The following AMOTL1 variants were observed in gnomAD, a reference collection of about 807,000 sequenced individuals.
AMOTL1 encodes angiomotin like 1, also known as angiomotin-like protein 1.
A neutral mutation model predicts 102.9 loss-of-function variants in AMOTL1; 45 were observed. The observed-to-expected ratio is 0.44, with a 90% CI of 0.34 to 0.56. The LOEUF (loss-of-function observed/expected upper bound fraction) is 0.56. Among genes scored for constraint, AMOTL1 ranks in the 20% least tolerant of loss-of-function variants. AMOTL1 has a pLI of 0.01. For synonymous variants in AMOTL1, 481 were observed against 484.7 expected (o/e 0.99, Z 0.10); for missense variants, 1,114 against 1,225.6 (o/e 0.91, Z 1.36).
Position 94,866,041 on chromosome 11 carries a change from C to A in AMOTL1, c.2361C>A (p.Ser787Arg), listed in dbSNP as rs1952875722. ...RKDAGKTDSSSLRPARSVPSI... is the reference protein window; with the variant it reads ...RKDAGKTDSSRLRPARSVPSI... Reference sequence around the variant, plus strand: ...ATGCCGGGAAGACAGACTCCTCCAGCCTACGTCCTGCCCGCTCCGTTCCAT... The same window carrying A: ...ATGCCGGGAAGACAGACTCCTCCAGACTACGTCCTGCCCGCTCCGTTCCAT... The change falls in exon 11 of 13, where the codon AGC (serine) becomes AGA (arginine). Residue 787 changes from serine to arginine, a missense_variant. Ser to Arg is a moderately radical substitution (Grantham distance 110). Transcript: ENST00000433060. 6.2e-7 allele frequency: 1 copy of A among 1,613,868 alleles called. No homozygotes were observed.
At chr11:94,737,716 C>T (rs905584513) in intron 2 of AMOTL1, among the ~76,000 whole-genome samples, 3 of 152,222 alleles carry the variant, frequency 2.0e-5, no homozygotes, top group Non-Finnish European at 4.4e-5. Context: ...GACAGCCCAT[C>T]TGAGCCCATC....
At chr11:94,789,866 G>A (rs905484737) in intron 1 of AMOTL1, among the ~76,000 whole-genome samples, 1 of 152,206 alleles carries the variant, frequency 6.6e-6, no homozygotes, top group African/African-American at 2.4e-5. Flanking sequence ...GGAGGTTATT[G>A]TAATCTAGAC....
intron 1 of AMOTL1, among the ~76,000 whole-genome samples, chr11:94,786,120 C>T (rs1009396019): frequency 1.3e-4 from 20 of 152,052 alleles, no homozygotes; most frequent in Non-Finnish European, 2.5e-4. Flanking sequence ...AAAAGAATCT[C>T]GAGTTCAGGT....
intron 6 of AMOTL1, among the ~76,000 whole-genome samples, chr11:94,835,193 G>T (rs1952152680): frequency 6.6e-6 from 1 of 152,134 alleles, no homozygotes; most frequent in Non-Finnish European, 1.5e-5. Flanking sequence ...AAATGTTTTT[G>T]TAGCTTATAG....
At chr11:94,859,111 T>A (rs990265642) in intron 8 of AMOTL1, among the ~76,000 whole-genome samples, 1 of 152,194 alleles carries the variant, frequency 6.6e-6, no homozygotes, top group Admixed American at 6.5e-5. Context: ...GGAATCACTT[T>A]GTGGAATTCT....
chr11:94,802,560 T>A (rs1314377024), intron 3 of AMOTL1, among the ~76,000 whole-genome samples: 2 of 152,228 alleles, frequency 1.3e-5, no homozygotes, highest in Non-Finnish European at 2.9e-5. Flanking sequence ...GAGGTCATTT[T>A]TCTCAAAGTT....
At chr11:94,758,115 G>A (rs2135498032) in intron 3 of AMOTL1, among the ~76,000 whole-genome samples, 1 of 152,300 alleles carries the variant, frequency 6.6e-6, no homozygotes, top group Non-Finnish European at 1.5e-5. Flanking sequence ...TCTTGGCTCT[G>A]TTAATTTCAT....
intron 2 of AMOTL1, among the ~76,000 whole-genome samples, chr11:94,737,406 G>A (rs1950452358): frequency 6.6e-6 from 1 of 152,202 alleles, no homozygotes; most frequent in Non-Finnish European, 1.5e-5. Context: ...AGCTGTAAAG[G>A]AGCATGGCAT....
chr11:94,847,312 C>T (rs768696565), intron 6 of AMOTL1, among the ~76,000 whole-genome samples: 4 of 152,122 alleles, frequency 2.6e-5, no homozygotes, highest in Admixed American at 6.5e-5. Context: ...TGGACAGCTG[C>T]ATAACAAAGG....
chr11:94,771,879 T>G (rs950472780), intron 1 of AMOTL1, among the ~76,000 whole-genome samples: 8 of 152,234 alleles, frequency 5.3e-5, no homozygotes, highest in African/African-American at 1.9e-4. Context: ...TGTATCCCTG[T>G]TAAGATACTG....
intron 3 of AMOTL1, among the ~76,000 whole-genome samples, chr11:94,756,577 A>T (rs891257654): frequency 3.3e-5 from 5 of 152,232 alleles, no homozygotes; most frequent in Non-Finnish European, 5.9e-5. Context: ...ATGACCCACA[A>T]TTGGGTGACC....
intron 1 of AMOTL1, among the ~76,000 whole-genome samples, chr11:94,725,868 A>G (rs1349883694): frequency 6.6e-6 from 1 of 152,172 alleles, no homozygotes; most frequent in African/African-American, 2.4e-5. Context: ...ACAATGAGTT[A>G]CTGGAGTATT....
chr11:94,769,486 C>G (rs961189387), intron 1 of AMOTL1, among the ~76,000 whole-genome samples: 1 of 152,210 alleles, frequency 6.6e-6, no homozygotes, highest in Non-Finnish European at 1.5e-5. Flanking sequence ...CCTCAGAGCC[C>G]CAGGCCGAGA....
chr11:94,859,628 A>C lies in AMOTL1; in HGVS notation c.2048A>C (p.Asp683Ala). ...GAGCGGATCCTGGCCCTGGAGGCCG[A>C]CATGACAAAGTGGGAGCAGAAGTAC... ...KEERILALEA[D>A]MTKWEQKYLE... The change falls in exon 9 of 13, where the codon GAC (aspartate) becomes GCC (alanine). Residue 683 changes from aspartate to alanine, a missense_variant. Asp to Ala is a moderately radical substitution (Grantham distance 126). Transcript: ENST00000433060. 8 of 1,613,774 alleles carry C rather than the reference A, an allele frequency of 5.0e-6. No homozygotes were observed. Among genetic ancestry groups the C allele is most frequent in the Non-Finnish European group, 8.5e-7 (1 of 1,179,786 alleles).
intron 11 of AMOTL1, among the ~76,000 whole-genome samples, chr11:94,867,650 A>G (rs1952910115): frequency 6.6e-6 from 1 of 152,214 alleles, no homozygotes; most frequent in African/African-American, 2.4e-5. Context: ...GTGACTGCAC[A>G]GTTCCCCACA....
At chr11:94,728,317 A>G (rs1383782522) in intron 1 of AMOTL1, among the ~76,000 whole-genome samples, 2 of 152,120 alleles carry the variant, frequency 1.3e-5, no homozygotes, top group African/African-American at 4.8e-5. Context: ...GAAAGCCAAG[A>G]GCCCTTGTAA....
At chr11:94,770,322 G>C (rs1950928398) in intron 1 of AMOTL1, among the ~76,000 whole-genome samples, 1 of 152,160 alleles carries the variant, frequency 6.6e-6, no homozygotes, top group Non-Finnish European at 1.5e-5. Flanking sequence ...AATATACTTT[G>C]AACTGTTAGT....
In AMOTL1 at chr11:94,875,746, A is replaced by G. The variant is rs1434131016; in HGVS notation, c.*4951A>G. On this transcript the variant is annotated 3_prime_UTR_variant, in exon 13 of 13. Coordinates refer to ENST00000433060, the MANE Select transcript of AMOTL1 (RefSeq NM_130847.3). ...TTTTGTTTCTAAAAAAATCCCTAAG[A>G]AATTTCTTGGAATGAGTCTTTGGCC... 6.6e-6 allele frequency: 1 copy of G among 152,204 alleles called. No individual in the cohort carries two copies. Among genetic ancestry groups the G allele is most frequent in the Non-Finnish European group, 1.5e-5 (1 of 68,032 alleles). 9.4% of individuals were successfully genotyped at this position (152,204 alleles called of 1,614,324 possible).
At chr11:94,843,669 G>A (rs1204688754) in intron 6 of AMOTL1, among the ~76,000 whole-genome samples, 3 of 152,182 alleles carry the variant, frequency 2.0e-5, no homozygotes, top group Non-Finnish European at 4.4e-5. Context: ...GGATCACTGA[G>A]GAAGAAGAAA....
Sources: allele counts gnomAD v4.1 joint callset (sites outside exome capture counted in the v4.1 genomes callset), GRCh38; gene constraint gnomAD v4.1.1; transcripts MANE v1.5; gene names NCBI Gene and HGNC (gene_info 2026-07-23, HGNC 2026-07-21).